MSX2: variants seen among roughly 807,000 people sequenced by gnomAD.
MSX2 encodes msh homeobox 2, also known as homeobox protein MSX-2.
In MSX2, 10 loss-of-function variants were observed where a neutral mutation model predicts 18.4. The ratio of observed to expected loss-of-function variants is 0.54; its 90% CI spans 0.34 to 0.92. MSX2 has a LOEUF of 0.92. Ranked by LOEUF, MSX2 falls within the 40% of genes least tolerant of loss-of-function variation. The pLI is 0.02. For missense variants in MSX2, 339 were observed against 364.0 expected (o/e 0.93, Z 0.56); for synonymous variants, 170 against 165.6 (o/e 1.03, Z -0.20).
At chr5:174,728,790 A>G (rs1252273095) in intron 1 of MSX2, among the ~76,000 whole-genome samples, 1 of 151,774 alleles carries the variant, frequency 6.6e-6, no homozygotes, top group Non-Finnish European at 1.5e-5. Context: ...TGTTTTCCAT[A>G]TAGAAGGTTC....
chr5:174,728,408 G>A (rs1004817563), intron 1 of MSX2, among the ~76,000 whole-genome samples: 1 of 93,984 alleles, frequency 1.1e-5, no homozygotes, highest in Admixed American at 1.3e-4. Flanking sequence ...ATAATCTGTG[G>A]ACTGGATGCA....
At position 174,729,138 on chromosome 5, in the gene MSX2, G is replaced by A. The variant is rs74768927; in HGVS notation, c.380-21G>A. The A allele has an allele frequency of 1.2e-3, 1,923 of 1,610,736 alleles. 18 individuals carry two copies. The East Asian group carries it at 0.031, about 26-fold the overall frequency. Reference sequence around the variant, plus strand: ...TAATGTAACTTTCTTTTGCTAATCCGCTCCTCTCTCTGTTCTCTAGGACAT... The same window carrying A: ...TAATGTAACTTTCTTTTGCTAATCCACTCCTCTCTCTGTTCTCTAGGACAT... On this transcript the variant is annotated intron_variant, in intron 1 of 1. Coordinates refer to ENST00000239243, the MANE Select transcript of MSX2 (RefSeq NM_002449.5).
intron 1 of MSX2, among the ~76,000 whole-genome samples, chr5:174,725,943 T>G (rs1458218438): frequency 1.3e-5 from 2 of 152,186 alleles, no homozygotes; most frequent in South Asian, 2.1e-4. Context: ...CAACAACCAC[T>G]GATTGGCCAG....
chr5:174,727,052 TA>T (rs988749246), intron 1 of MSX2, among the ~76,000 whole-genome samples: 8 of 127,922 alleles, frequency 6.3e-5, no homozygotes, highest in African/African-American at 2.1e-4. Flanking sequence ...GAACTTAAAG[TA>T]AAAAAAAACA....
Position 174,724,938 on chromosome 5 carries a change from G to A in MSX2, c.279G>A (p.Gly93=). The A allele has an allele frequency of 6.3e-7, 1 of 1,587,518 alleles. No individual in the cohort carries two copies. Among genetic ancestry groups the A allele is most frequent in the Non-Finnish European group, 8.5e-7 (1 of 1,169,604 alleles). ...GHGAREAHSP[G]PLVKPFETAS... Reference sequence around the variant, plus strand: ...GCGCTCGGGAAGCGCACAGCCCCGGGCCGCTGGTGAAGCCCTTCGAGACCG... The same window carrying A: ...GCGCTCGGGAAGCGCACAGCCCCGGACCGCTGGTGAAGCCCTTCGAGACCG... Residue 93 remains glycine, a synonymous_variant, in exon 1 of 2, where the codon GGG becomes GGA. Transcript: ENST00000239243.
intron 1 of MSX2, among the ~76,000 whole-genome samples, chr5:174,727,967 A>T (rs945682887): frequency 6.6e-6 from 1 of 152,228 alleles, no homozygotes; most frequent in African/African-American, 2.4e-5. Context: ...GTAAAAGCCA[A>T]ATGCAGAAAA....
rs1339392737 is a variant in MSX2, at chr5:174,724,600, T to C, written c.-60T>C. The C allele has an allele frequency of 2.6e-6, 4 of 1,545,072 alleles. No individual in the cohort carries two copies. The highest frequency in any genetic ancestry group is 2.6e-6 in the Non-Finnish European group (3 of 1,144,176). ...CGTCTCCGCAGCAAAAAAGTTTGAG[T>C]CGCCGCTGCCGGGTTGCCAGCGGAG... On this transcript the variant is annotated 5_prime_UTR_variant, in exon 1 of 2. Coordinates refer to ENST00000239243, the MANE Select transcript of MSX2 (RefSeq NM_002449.5).
Position 174,729,422 on chromosome 5 carries a change from A to T in MSX2, c.643A>T (p.Met215Leu), listed in dbSNP as rs577629417. 10 of 1,613,978 alleles carry T rather than the reference A, an allele frequency of 6.2e-6. No individual in the cohort carries two copies. In the African/African-American group the frequency reaches 1.3e-4, roughly 22 times the overall value. The change falls in exon 2 of 2, where the codon ATG (methionine) becomes TTG (leucine). Residue 215 changes from methionine to leucine, a missense_variant. This residue lies in a region of MSX2 where 128 missense variants were observed against 178.6 expected (regional missense o/e 0.72). Coordinates refer to ENST00000239243, the MANE Select transcript of MSX2 (RefSeq NM_002449.5). ...AAAGCTGAAAATGGCTGCAAAACCT[A>T]TGCTGCCCTCCAGCTTCAGTCTCCC... ...LEKLKMAAKP[M>L]LPSSFSLPFP...
rs370509224 is a variant in MSX2 at position 174,727,668 on chromosome 5, T to C, written c.380-1491T>C. 1.1e-4 allele frequency among the ~76,000 whole-genome samples: 16 copies of C among 152,360 alleles called. 1 individual carries two copies. The highest frequency in any genetic ancestry group is 3.1e-4 in the African/African-American group (13 of 41,584). ...TAGCAAATGCAAAAGTATAGACTTT[T>C]ATGGTAGTTTCTTATCCTTCCCTTT... On this transcript the variant is annotated intron_variant, in intron 1 of 1. Transcript: ENST00000239243.
chr5:174,725,400 G>T (rs1357064144), intron 1 of MSX2, among the ~76,000 whole-genome samples: 1 of 152,096 alleles, frequency 6.6e-6, no homozygotes, highest in African/African-American at 2.4e-5. Flanking sequence ...ACTGTTCCCC[G>T]GAGTCTCTGC....
In MSX2 at chr5:174,724,822, G is replaced by A. The variant is rs1050530108; in HGVS notation, c.163G>A (p.Asp55Asn). 2 of 1,551,336 alleles carry A rather than the reference G, an allele frequency of 1.3e-6. No homozygotes were observed. The highest frequency in any genetic ancestry group is 1.4e-5 in the African/African-American group (1 of 73,264). ...CTTCAGCGTGGAGGCGCTCATGTCC[G>A]ACAAGAAGCCGCCCAAGGAGGCGTC... ...LPFSVEALMS[D>N]KKPPKEASPL... The change falls in exon 1 of 2, where the codon GAC (aspartate) becomes AAC (asparagine). Residue 55 changes from aspartate to asparagine, a missense_variant. Coordinates refer to ENST00000239243, the MANE Select transcript of MSX2 (RefSeq NM_002449.5).
chr5:174,729,473 G>A lies in MSX2; in HGVS notation c.694G>A (p.Ala232Thr), dbSNP rs781619692. 2.5e-6 allele frequency: 4 copies of A among 1,613,874 alleles called. No individual in the cohort carries two copies. The Admixed American group carries it at 6.7e-5, about 27-fold the overall frequency. Reference protein sequence around the residue: ...LPFPISSPLQAASIYGASYPF... With the variant: ...LPFPISSPLQTASIYGASYPF... ...TTTCCCCATCAGCTCGCCCCTGCAG[G>A]CAGCGTCCATATATGGAGCATCCTA... The change falls in exon 2 of 2, where the codon GCA becomes ACA. Residue 232 changes from alanine to threonine, a missense_variant. Ala to Thr is a moderately conservative substitution (Grantham distance 58). Coordinates refer to ENST00000239243, the MANE Select transcript of MSX2 (RefSeq NM_002449.5).
chr5:174,729,413 G>A lies in MSX2; in HGVS notation c.634G>A (p.Ala212Thr), dbSNP rs1467969048. The A allele has an allele frequency of 6.2e-7, 1 of 1,614,062 alleles. No individual in the cohort carries two copies. The highest frequency in any genetic ancestry group is 8.5e-7 in the Non-Finnish European group (1 of 1,180,032). ...EAELEKLKMAAKPMLPSSFSL... is the reference protein window; with the variant it reads ...EAELEKLKMATKPMLPSSFSL... Reference sequence around the variant, plus strand: ...AGAACTGGAAAAGCTGAAAATGGCTGCAAAACCTATGCTGCCCTCCAGCTT... The same window carrying A: ...AGAACTGGAAAAGCTGAAAATGGCTACAAAACCTATGCTGCCCTCCAGCTT... Residue 212 changes from alanine (A) to threonine (T), a missense_variant, in exon 2 of 2, where the codon GCA becomes ACA. By Grantham distance (58) the Ala-to-Thr change is moderately conservative. Coordinates refer to ENST00000239243, the MANE Select transcript of MSX2 (RefSeq NM_002449.5).
chr5:174,726,877 C>T (rs1379907878), intron 1 of MSX2, among the ~76,000 whole-genome samples: 1 of 152,056 alleles, frequency 6.6e-6, no homozygotes, highest in African/African-American at 2.4e-5. Flanking sequence ...GCCTGTGGGT[C>T]TGGAAAGGCA....
chr5:174,724,945 G>T lies in MSX2; in HGVS notation c.286G>T (p.Val96Leu), dbSNP rs769329948. 70 of 1,593,194 alleles carry T rather than the reference G, an allele frequency of 4.4e-5. No individual in the cohort carries two copies. Among genetic ancestry groups the T allele is most frequent in the Middle Eastern group, 1.7e-4 (1 of 6,042 alleles). Residue 96 changes from valine to leucine, a missense_variant, in exon 1 of 2, where the codon GTG becomes TTG. By Grantham distance (32) the Val-to-Leu change is conservative. Transcript: ENST00000239243. ...AREAHSPGPL[V>L]KPFETASVKS... is the part of the protein sequence containing the mutation. ...GGAAGCGCACAGCCCCGGGCCGCTG[G>T]TGAAGCCCTTCGAGACCGCCTCGGT...
chr5:174,727,519 C>T (rs951434429), intron 1 of MSX2, among the ~76,000 whole-genome samples: 2 of 152,096 alleles, frequency 1.3e-5, no homozygotes, highest in Non-Finnish European at 2.9e-5. Context: ...CACCTGAGTC[C>T]TCCTGAGGGC....
intron 1 of MSX2, among the ~76,000 whole-genome samples, chr5:174,726,566 A>C (rs1760803944): frequency 7.0e-6 from 1 of 141,876 alleles, no homozygotes; most frequent in Non-Finnish European, 1.5e-5. Flanking sequence ...TCAGAGAGGA[A>C]TCGGCAGTTT....
intron 1 of MSX2, among the ~76,000 whole-genome samples, chr5:174,727,032 A>T (rs768775293): frequency 6.6e-6 from 1 of 151,648 alleles, no homozygotes; most frequent in Non-Finnish European, 1.5e-5. Context: ...CATTCTGCAC[A>T]TGTATCCCGG....
rs1239799447 is a variant in MSX2 at position 174,724,857 on chromosome 5, G to A, written c.198G>A (p.Pro66=). ...CGCCCAAGGAGGCGTCCCCGCTGCC[G>A]GCCGAAAGCGCCTCGGCCGGGGCCA... is the stretch of plus-strand genomic sequence containing the variant. The part of the protein sequence containing the change: ...KKPPKEASPL[P]AESASAGATL... The change falls in exon 1 of 2, where the codon CCG becomes CCA. Residue 66 remains proline, a synonymous_variant. Coordinates refer to ENST00000239243, the MANE Select transcript of MSX2 (RefSeq NM_002449.5). The A allele has an allele frequency of 1.9e-6, 3 of 1,552,978 alleles. No homozygotes were observed. The highest frequency in any genetic ancestry group is 3.9e-5 in the Admixed American group (2 of 50,958).
Sources: gnomAD v4.1 joint callset for allele counts (sites outside exome capture counted in the v4.1 genomes callset) on GRCh38, gnomAD v4.1.1 for gene constraint, gnomAD v4.1.1 regional missense constraint, MANE v1.5 for transcripts, NCBI Gene and HGNC (gene_info 2026-07-23, HGNC 2026-07-21) for gene names.